C12orf42: variants seen among roughly 807,000 people sequenced by gnomAD.
C12orf42 encodes chromosome 12 open reading frame 42.
Under a neutral mutation model 21.6 loss-of-function variants are expected in C12orf42, and 25 were observed. The ratio of observed to expected loss-of-function variants is 1.16; its 90% CI spans 0.84 to 1.62. C12orf42 has a LOEUF of 1.62. Ranked by LOEUF, C12orf42 falls within the 40% of genes most tolerant of loss-of-function variation. C12orf42 has a pLI of 0.00. For missense variants in C12orf42, 483 were observed against 459.3 expected, an observed-to-expected ratio of 1.05 and a Z score of -0.47; for synonymous variants, 174 against 175.0, an observed-to-expected ratio of 0.99 and a Z score of 0.05.
At chr12:103,047,959 C>T in the C12orf42 span, among the ~76,000 whole-genome samples, 1 of 152,262 alleles carries the variant, frequency 6.6e-6, no homozygotes, top group Admixed American at 6.5e-5. Flanking sequence ...CAGAGTAAAT[C>T]ACGAGGCCAG....
intron 10 of C12orf42, among the ~76,000 whole-genome samples, chr12:103,249,946 GT>G (rs2136191033): frequency 6.6e-6 from 1 of 152,066 alleles, no homozygotes; most frequent in South Asian, 2.1e-4. Context: ...TCCCACTAAG[GT>G]TTTTGTTCAA....
chr12:103,363,434 TAAA>T (rs1222880667), intron 4 of C12orf42, among the ~76,000 whole-genome samples: 3 of 151,716 alleles, frequency 2.0e-5, no homozygotes, highest in Admixed American at 6.6e-5. Context: ...AAAATACAAT[TAAA>T]AAAGACCAAG....
chr12:103,489,071 C>CAGAT (rs1283332569), intron 1 of C12orf42, among the ~76,000 whole-genome samples: 1 of 152,244 alleles, frequency 6.6e-6, no homozygotes, highest in Non-Finnish European at 1.5e-5. Context: ...GGTTTCTCCC[C>CAGAT]ATCTTTGTGG....
At chr12:103,502,998 A>G in the C12orf42 span, among the ~76,000 whole-genome samples, 2 of 152,330 alleles carry the variant, frequency 1.3e-5, no homozygotes, top group South Asian at 4.1e-4. Context: ...TTGTTTATAA[A>G]TGCCACCTGA....
the C12orf42 span, among the ~76,000 whole-genome samples, chr12:103,122,311 A>G: frequency 6.6e-6 from 1 of 152,240 alleles, no homozygotes; most frequent in East Asian, 1.9e-4. Context: ...ATTAGGGAGG[A>G]GAGCTAACAA....
intron 10 of C12orf42, among the ~76,000 whole-genome samples, chr12:103,249,059 C>T (rs960124029): frequency 1.3e-5 from 2 of 151,848 alleles, no homozygotes; most frequent in Non-Finnish European, 2.9e-5. Context: ...AATGTGTTGC[C>T]ATAGAGATGA....
chr12:103,527,452 C>G, the C12orf42 span, among the ~76,000 whole-genome samples: 1 of 152,166 alleles, frequency 6.6e-6, no homozygotes, highest in South Asian at 2.1e-4. Context: ...TTAGTGCCCA[C>G]TAGGTGCTTG....
chr12:103,459,280 A>C (rs111526047), intron 2 of C12orf42, among the ~76,000 whole-genome samples: 2,228 of 152,296 alleles, frequency 0.015, 69 homozygotes, highest in African/African-American at 0.05. Flanking sequence ...TTAATTAGTG[A>C]TAGGGTTTGG....
the C12orf42 span, among the ~76,000 whole-genome samples, chr12:103,552,778 A>G: frequency 3.3e-5 from 5 of 152,274 alleles, no homozygotes; most frequent in African/African-American, 9.6e-5. Flanking sequence ...AAGACTGAGT[A>G]ATTTATAAAG....
chr12:103,100,976 G>A, the C12orf42 span, among the ~76,000 whole-genome samples: 1 of 152,206 alleles, frequency 6.6e-6, no homozygotes, highest in South Asian at 2.1e-4. Context: ...GTAGTGAGGT[G>A]GAAAGAGTGA....
chr12:103,305,984 C>A lies in C12orf42; in HGVS notation c.621G>T (p.Lys207Asn). The A allele has an allele frequency of 6.3e-7, 1 of 1,599,820 alleles. No homozygotes were observed. Among genetic ancestry groups the A allele is most frequent in the Non-Finnish European group, 8.6e-7 (1 of 1,169,040 alleles). ...CAACATGATACTTACCAGAATTTTTCTTGGGACTGCTCAAGGGCTGGCCCT... is the reference window on the plus strand; with the variant it reads ...CAACATGATACTTACCAGAATTTTTATTGGGACTGCTCAAGGGCTGGCCCT... ...RPKGQPLSSPKKNSGSAARPS... is the reference protein window; with the variant it reads ...RPKGQPLSSPNKNSGSAARPS... The change falls in exon 5 of 6, where the codon AAG (lysine) becomes AAT (asparagine). Residue 207 changes from lysine to asparagine, a missense_variant. Coordinates refer to ENST00000548883, the MANE Select transcript of C12orf42 (RefSeq NM_198521.5).
chr12:103,319,283 A>T (rs2039842729), intron 4 of C12orf42, among the ~76,000 whole-genome samples: 1 of 152,242 alleles, frequency 6.6e-6, no homozygotes, highest in Admixed American at 6.5e-5. Flanking sequence ...AACAGGAATG[A>T]TGATCTTTCT....
chr12:103,270,810 AG>A (rs1184583581), intron 5 of C12orf42, among the ~76,000 whole-genome samples: 1 of 146,438 alleles, frequency 6.8e-6, no homozygotes, highest in African/African-American at 2.5e-5. Context: ...TAAAACATCT[AG>A]GTCTTAAAAA....
the C12orf42 span, among the ~76,000 whole-genome samples, chr12:103,116,657 C>A: frequency 6.6e-6 from 1 of 152,112 alleles, no homozygotes; most frequent in African/African-American, 2.4e-5. Flanking sequence ...TGCATGGAGG[C>A]ACTGTGCAAC....
chr12:103,148,310 GCCC>G, the C12orf42 span, among the ~76,000 whole-genome samples: 3 of 152,096 alleles, frequency 2.0e-5, no homozygotes, highest in African/African-American at 7.2e-5. Flanking sequence ...CAAGAGTCAA[GCCC>G]TTAAATTTGA....
chr12:103,389,804 G>T (rs1449916552), intron 3 of C12orf42, among the ~76,000 whole-genome samples: 3 of 152,194 alleles, frequency 2.0e-5, no homozygotes, highest in Admixed American at 2.0e-4. Flanking sequence ...GTCTGATGCA[G>T]CTGGGCAGCA....
the C12orf42 span, among the ~76,000 whole-genome samples, chr12:103,067,316 A>G: frequency 0.067 from 10,271 of 152,176 alleles, 851 homozygotes; most frequent in African/African-American, 0.2. Flanking sequence ...CCTGACCAAA[A>G]CACTCACTTT....
At chr12:103,201,034 G>A in the C12orf42 span, among the ~76,000 whole-genome samples, 1 of 152,192 alleles carries the variant, frequency 6.6e-6, no homozygotes, top group Non-Finnish European at 1.5e-5. Flanking sequence ...GCTTGAAGAA[G>A]TGGTAGTCAG....
the C12orf42 span, among the ~76,000 whole-genome samples, chr12:103,139,769 C>A: frequency 1.3e-5 from 2 of 152,042 alleles, no homozygotes; most frequent in African/African-American, 4.8e-5. Flanking sequence ...TTTAAAGAGA[C>A]AATACAGACA....
Sources: allele counts gnomAD v4.1 joint callset (sites outside exome capture counted in the v4.1 genomes callset), GRCh38; gene constraint gnomAD v4.1.1; transcripts MANE v1.5; gene names NCBI Gene and HGNC (gene_info 2026-07-23, HGNC 2026-07-21).